NEBL: variants seen among roughly 807,000 people sequenced by gnomAD.
NEBL encodes the protein LIM and SH3 protein 2.
NEBL carries 122 observed loss-of-function variants against 140.2 expected under a neutral mutation model. The ratio of observed to expected loss-of-function variants is 0.87; its 90% CI spans 0.75 to 1.01. NEBL has a LOEUF of 1.01. NEBL is among the 50% of genes least tolerant of loss of function. The pLI is 0.00. For missense variants in NEBL, 1,365 were observed against 1,231.3 expected, an observed-to-expected ratio of 1.11 and a Z score of -1.62; for synonymous variants, 436 against 398.9, an observed-to-expected ratio of 1.09 and a Z score of -1.11.
At chr10:20,878,167 CCATACAGTCA>C (rs1411839695) in intron 5 of NEBL, among the ~76,000 whole-genome samples, 1 of 152,172 alleles carries the variant, frequency 6.6e-6, no homozygotes, top group Non-Finnish European at 1.5e-5. Flanking sequence ...GGAAATTCAT[CCATACAGTCA>C]CATGAGCCCT....
intron 2 of NEBL, among the ~76,000 whole-genome samples, chr10:21,100,383 C>T (rs1335450718): frequency 5.3e-5 from 8 of 152,234 alleles, no homozygotes; most frequent in Admixed American, 4.6e-4. Flanking sequence ...CACTCGCAAA[C>T]TCTGCTCCAT....
rs1836578132 is a variant in NEBL, at chr10:20,971,645, A to G, written c.250-9866T>C. 2.5e-5 allele frequency among the ~76,000 whole-genome samples: 3 copies of G among 118,800 alleles called. No individual in the cohort carries two copies. In the Admixed American group the frequency reaches 3.7e-4, roughly 15 times the overall value. The allele number at this position is 118,800 out of a possible 152,430, so 77.9% of individuals were successfully genotyped here. On this transcript the variant is annotated intron_variant, in intron 3 of 6. Transcript: ENST00000417816. The stretch of plus-strand genomic sequence containing the variant: ...TTTTTTTTTTTTGAGATGGAGTCTC[A>G]CTCTGTCACCCAGGCTGGTGTGCAG...
intron 3 of NEBL, among the ~76,000 whole-genome samples, chr10:21,227,530 A>T (rs1842167935): frequency 6.6e-6 from 1 of 152,228 alleles, no homozygotes; most frequent in Non-Finnish European, 1.5e-5. Flanking sequence ...AAGGTGTTTG[A>T]CTTTCCACCC....
intron 4 of NEBL, among the ~76,000 whole-genome samples, chr10:20,924,054 G>T (rs1404556233): frequency 6.6e-6 from 1 of 152,062 alleles, no homozygotes; most frequent in African/African-American, 2.4e-5. Flanking sequence ...GTTTCCTCTC[G>T]ATATACAGCA....
chr10:20,812,683 A>G (rs1838277150), intron 24 of NEBL, 86 bp downstream of exon 24: 1 of 1,512,140 alleles, frequency 6.6e-7, no homozygotes, highest in Non-Finnish European at 9.2e-7. Context: ...ATGAGGAGTC[A>G]GATGACTCAA....
chr10:20,992,268 T>C (rs1388599977), intron 3 of NEBL, among the ~76,000 whole-genome samples: 2 of 152,234 alleles, frequency 1.3e-5, no homozygotes. Flanking sequence ...TTGAATGCCA[T>C]TCCTAAGTTT....
chr10:20,864,589 G>A (rs1337525834), intron 7 of NEBL, among the ~76,000 whole-genome samples: 1 of 152,042 alleles, frequency 6.6e-6, no homozygotes, highest in Non-Finnish European at 1.5e-5. Context: ...CCTTGTCATT[G>A]CCTTCTCTGT....
intron 1 of NEBL, among the ~76,000 whole-genome samples, chr10:21,291,848 G>A (rs1168091287): frequency 1.3e-5 from 2 of 152,180 alleles, no homozygotes; most frequent in Non-Finnish European, 2.9e-5. Flanking sequence ...AGAGGTTGCA[G>A]TGAGCTGAGA....
At chr10:20,792,383 T>A (rs1836086790) in intron 26 of NEBL, among the ~76,000 whole-genome samples, 1 of 152,212 alleles carries the variant, frequency 6.6e-6, no homozygotes, top group Non-Finnish European at 1.5e-5. Context: ...TGAGGTTTTG[T>A]TTTTCTTTTT....
chr10:20,807,845 G>C (rs899361061), intron 26 of NEBL, among the ~76,000 whole-genome samples: 1 of 152,006 alleles, frequency 6.6e-6, no homozygotes, highest in Non-Finnish European at 1.5e-5. Flanking sequence ...AGTAAAATTA[G>C]TTTAATACCC....
At chr10:21,281,354 A>T (rs1293727127) in intron 1 of NEBL, among the ~76,000 whole-genome samples, 1 of 151,108 alleles carries the variant, frequency 6.6e-6, no homozygotes, top group Admixed American at 6.6e-5. Context: ...GAGAGAAGGG[A>T]TCTTGCTATA....
At chr10:21,143,912 T>A (rs1839766147) in intron 2 of NEBL, among the ~76,000 whole-genome samples, 1 of 151,166 alleles carries the variant, frequency 6.6e-6, no homozygotes, top group African/African-American at 2.4e-5. Flanking sequence ...AAACTTTATA[T>A]CAAGTTTACT....
chr10:21,015,089 G>A (rs1239735466), intron 3 of NEBL, among the ~76,000 whole-genome samples: 1 of 152,172 alleles, frequency 6.6e-6, no homozygotes, highest in East Asian at 1.9e-4. Context: ...TTTTCAACAT[G>A]ATTGCAAATA....
At chr10:21,016,932 ACTT>A (rs140005186) in intron 3 of NEBL, among the ~76,000 whole-genome samples, 1 of 152,298 alleles carries the variant, frequency 6.6e-6, no homozygotes, top group East Asian at 1.9e-4. Context: ...AACCATAATG[ACTT>A]CTTCCTACTT....
chr10:21,237,943 G>T (rs997019337), intron 3 of NEBL, among the ~76,000 whole-genome samples: 9 of 152,150 alleles, frequency 5.9e-5, no homozygotes, highest in Admixed American at 5.9e-4. Context: ...TTAATTTATT[G>T]TTAGTTTTCT....
At chr10:21,263,463 C>T (rs1842763821) in intron 1 of NEBL, among the ~76,000 whole-genome samples, 1 of 151,904 alleles carries the variant, frequency 6.6e-6, no homozygotes, top group Admixed American at 6.6e-5. Flanking sequence ...AGTAAGAGTC[C>T]AAGCGGGGGA....
intron 4 of NEBL, among the ~76,000 whole-genome samples, chr10:20,923,325 C>T (rs1025872325): frequency 6.6e-6 from 1 of 152,076 alleles, no homozygotes; most frequent in Non-Finnish European, 1.5e-5. Context: ...GCCTCAGCCT[C>T]CCAAGTACTG....
At chr10:20,839,346 G>T (rs1235295489) in intron 13 of NEBL, among the ~76,000 whole-genome samples, 1 of 152,148 alleles carries the variant, frequency 6.6e-6, no homozygotes, top group Non-Finnish European at 1.5e-5. Context: ...TGCAGAAAAT[G>T]ACTAATGTAG....
chr10:20,890,234 C>G (rs906307532), intron 2 of NEBL, among the ~76,000 whole-genome samples: 1 of 152,124 alleles, frequency 6.6e-6, no homozygotes, highest in African/African-American at 2.4e-5. Context: ...CCCAGCCAGC[C>G]CAGTGCAATT....
Sources: gnomAD v4.1 joint callset for allele counts (sites outside exome capture counted in the v4.1 genomes callset) on GRCh38, gnomAD v4.1.1 for gene constraint, MANE v1.5 for transcripts, NCBI Gene and HGNC (gene_info 2026-07-23, HGNC 2026-07-21) for gene names.